Variants in COL12A1 observed in about 807,000 individuals in gnomAD.
COL12A1 encodes the protein collagen type XII alpha 1 chain, also known as collagen alpha-1(XII) chain.
COL12A1 carries 114 observed loss-of-function variants against 349.7 expected under a neutral mutation model. The observed-to-expected ratio is 0.33, with a 90% CI of 0.28 to 0.38. The LOEUF is 0.38. Among genes scored for constraint, COL12A1 ranks in the 10% least tolerant of loss-of-function variants. The probability of loss-of-function intolerance (pLI) is 1.00; values close to 1 mark genes in which losing one functional copy is unlikely to be tolerated. For synonymous variants in COL12A1, 1,369 were observed against 1,329.0 expected (o/e 1.03, Z -0.66); for missense variants, 3,284 against 3,756.9 (o/e 0.87, Z 3.29).
At chr6:75,162,789 T>C (rs1768091969) in intron 14 of COL12A1, among the ~76,000 whole-genome samples, 1 of 152,134 alleles carries the variant, frequency 6.6e-6, no homozygotes, top group African/African-American at 2.4e-5. Context: ...ATCCAGAATC[T>C]ACAAAGAACT....
chr6:75,171,915 C>T (rs1768655685), intron 13 of COL12A1, among the ~76,000 whole-genome samples: 1 of 152,200 alleles, frequency 6.6e-6, no homozygotes, highest in African/African-American at 2.4e-5. Flanking sequence ...GCTGGAGGCC[C>T]TTCGGTAATC....
At chr6:75,110,757 T>G (rs1234896105) in intron 51 of COL12A1, among the ~76,000 whole-genome samples, 1 of 152,036 alleles carries the variant, frequency 6.6e-6, no homozygotes, top group African/African-American at 2.4e-5. Flanking sequence ...CTCCCCAAAG[T>G]TCCCTCTCCC....
chr6:75,125,376 T>C (rs1765962917), intron 39 of COL12A1, 103 bp from the exon 40 acceptor site: 1 of 1,095,358 alleles, frequency 9.1e-7, no homozygotes, highest in Admixed American at 2.8e-5. Context: ...TGAACACGAT[T>C]AATTCCATAG....
rs776611041 is a variant in COL12A1 at position 75,175,326 on chromosome 6, A to G, written c.2438-16T>C. On this transcript the variant is annotated splice_polypyrimidine_tract_variant and intron_variant, in intron 12 of 65. Transcript: ENST00000322507. ...TTCCCTCTAACTTCATTAAAAAATG[A>G]CAACATCATCAAAACCCATTATTTA... 2 of 1,604,484 alleles carry G rather than the reference A, an allele frequency of 1.2e-6. No individual in the cohort carries two copies. The highest frequency in any genetic ancestry group is 1.1e-5 in the South Asian group (1 of 89,466).
At position 75,121,353 on chromosome 6, in the gene COL12A1, G is replaced by T. The variant is rs1033097935; in HGVS notation, c.7035C>A (p.Phe2345Leu). 11 of 1,611,920 alleles carry T rather than the reference G, an allele frequency of 6.8e-6. No individual in the cohort carries two copies. Among genetic ancestry groups the T allele is most frequent in the Non-Finnish European group, 9.3e-6 (11 of 1,178,632 alleles). ...GDDNFNKVVK[F>L]IFNTVGGFDE... ...CAAAGCCTCCCACAGTATTGAAGAT[G>T]AATTTTACAACTTTGTTAAAATTAT... Residue 2345 changes from phenylalanine to leucine, a missense_variant, in exon 44 of 66, where the codon TTC becomes TTA. By Grantham distance (22) the Phe-to-Leu change is conservative. This residue lies in a region of COL12A1 where 683 missense variants were observed against 932.1 expected (regional missense o/e 0.73). Coordinates refer to ENST00000322507, the MANE Select transcript of COL12A1 (RefSeq NM_004370.6).
rs996043699 is a variant in COL12A1 at position 75,146,013 on chromosome 6, T to C, written c.4560+89A>G. The C allele has an allele frequency of 3.2e-5, 42 of 1,311,004 alleles. No homozygotes were observed. In the Middle Eastern group the frequency reaches 1.7e-3, roughly 53 times the overall value. The allele number at this position is 1,311,004 out of a possible 1,614,324, so 81.2% of individuals were successfully genotyped here. ...TCCATTTTGTACGTAAAGTTATAAA[T>C]GAGTTTGTAAGTAACTGCAGTATAA... On this transcript the variant is annotated intron_variant, in intron 24 of 65. Transcript: ENST00000322507.
In COL12A1 at chr6:75,137,565, G is replaced by A. The variant is rs1766686755; in HGVS notation, c.5266C>T (p.Pro1756Ser). The A allele has an allele frequency of 6.2e-7, 1 of 1,613,482 alleles. No individual in the cohort carries two copies. Among genetic ancestry groups the A allele is most frequent in the East Asian group, 2.2e-5 (1 of 44,832 alleles). The part of the protein sequence containing the change: ...ILTTQAPKSG[P>S]RNLQVYNATS... ...GCATTGTACACTTGAAGGTTTCGTG[G>A]GCCACTTTTGGGAGCTGAAAGAAGA... Residue 1756 changes from proline to serine, a missense_variant, in exon 31 of 66, where the codon CCA becomes TCA. By Grantham distance (74) the Pro-to-Ser change is moderately conservative (BLOSUM62 -1). Coordinates refer to ENST00000322507, the MANE Select transcript of COL12A1 (RefSeq NM_004370.6).
In COL12A1 at chr6:75,191,748, C is replaced by G; in HGVS notation, c.347G>C (p.Ser116Thr). The G allele has an allele frequency of 6.3e-7, 1 of 1,595,050 alleles. No individual in the cohort carries two copies. The highest frequency in any genetic ancestry group is 8.5e-7 in the Non-Finnish European group (1 of 1,170,454). The change falls in exon 5 of 66, where the codon AGT becomes ACT. Residue 116 changes from serine to threonine, a missense_variant. By Grantham distance (58) the Ser-to-Thr change is moderately conservative (BLOSUM62 1). Around this residue, in one of 2 missense-constraint regions of COL12A1, gnomAD observed 2,601 missense variants for 2,824.8 expected, o/e 0.92. Transcript: ENST00000322507. The part of the protein sequence containing the change: ...VIGQLTIQTG[S>T]STKPVEKKPG... ...TTTCTTCTCCACTGGCTTTGTCGAA[C>G]TACCTGTTTGAACTAAGTTAAAACT...
intron 41 of COL12A1, 60 bp downstream of exon 41, chr6:75,124,195 G>A: frequency 6.3e-7 from 1 of 1,593,324 alleles, no homozygotes; most frequent in Non-Finnish European, 8.6e-7. Flanking sequence ...CTTCTTTACT[G>A]AAATTTAAAA....
intron 13 of COL12A1, among the ~76,000 whole-genome samples, chr6:75,166,656 AATACAAATCTATCTGCTTCCCAGC>A (rs1768327077): frequency 6.6e-6 from 1 of 152,166 alleles, no homozygotes; most frequent in South Asian, 2.1e-4. Context: ...GTATGACATA[AATACAAATCTATCTGCTTCCCAGC>A]ATACATTTTA....
intron 8 of COL12A1, among the ~76,000 whole-genome samples, chr6:75,187,227 C>A (rs1434731478): frequency 6.7e-6 from 1 of 149,554 alleles, no homozygotes; most frequent in Non-Finnish European, 1.5e-5. Flanking sequence ...CACAGAGATG[C>A]CACATGGAAA....
Position 75,138,563 on chromosome 6 carries a change from A to G in COL12A1, c.5115T>C (p.Asp1705=). ...GGTTTTCGAACACCAAAGTGTTTTC[A>G]TCTCCATTTAAGATGGTCTTGGAGA... is the stretch of plus-strand genomic sequence containing the variant. The part of the protein sequence containing the change: ...SDKMETILNG[D]ENTLVFENLN... The change falls in exon 29 of 66, where the codon GAT becomes GAC. Residue 1705 remains aspartate, a synonymous_variant. Transcript: ENST00000322507. The G allele has an allele frequency of 6.2e-7, 1 of 1,613,768 alleles. No individual in the cohort carries two copies. The highest frequency in any genetic ancestry group is 8.5e-7 in the Non-Finnish European group (1 of 1,179,876).
In COL12A1 at chr6:75,165,729, T is replaced by A; in HGVS notation, c.2761A>T (p.Ile921Phe). ...GGAGCAGATGTCCAATAAGCCCCAATTGATGTGTCAGTGATGTCTTTAGTA... is the reference window on the plus strand; with the variant it reads ...GGAGCAGATGTCCAATAAGCCCCAAATGATGTGTCAGTGATGTCTTTAGTA... Reference protein sequence around the residue: ...LVTKDITDTSIGAYWTSAPGM... With the variant: ...LVTKDITDTSFGAYWTSAPGM... Residue 921 changes from isoleucine (I) to phenylalanine (F), a missense_variant, in exon 14 of 66, where the codon ATT becomes TTT. By Grantham distance (21) the Ile-to-Phe change is conservative. This residue lies in a region of COL12A1 where 2,601 missense variants were observed against 2,824.8 expected (regional missense o/e 0.92). Transcript: ENST00000322507. 1 of 1,613,948 alleles carries A rather than the reference T, an allele frequency of 6.2e-7. No homozygotes were observed. The highest frequency in any genetic ancestry group is 1.3e-5 in the African/African-American group (1 of 75,024).
intron 2 of COL12A1, among the ~76,000 whole-genome samples, chr6:75,199,136 C>T (rs572771952): frequency 5.3e-5 from 8 of 152,222 alleles, no homozygotes; most frequent in Admixed American, 2.0e-4. Flanking sequence ...TTAAACTTTC[C>T]GGATCAACCA....
At chr6:75,103,667 C>T (rs1768412097) in intron 55 of COL12A1, 90 bp downstream of exon 55, 1 of 1,078,696 alleles carries the variant, frequency 9.3e-7, no homozygotes. Context: ...AGCTGACTTG[C>T]TCAAGATCAC....
intron 1 of COL12A1, among the ~76,000 whole-genome samples, chr6:75,204,508 T>C (rs2149494464): frequency 6.6e-6 from 1 of 152,292 alleles, no homozygotes; most frequent in Non-Finnish European, 1.5e-5. Context: ...ATATATGTTT[T>C]AAAAAAGAAA....
intron 8 of COL12A1, among the ~76,000 whole-genome samples, chr6:75,185,898 A>G (rs1320747206): frequency 1.3e-5 from 2 of 152,190 alleles, no homozygotes; most frequent in African/African-American, 4.8e-5. Context: ...TGGTGCTCAG[A>G]TAACTGGCTA....
At chr6:75,127,480 A>T (rs1323491215) in intron 38 of COL12A1, among the ~76,000 whole-genome samples, 1 of 152,210 alleles carries the variant, frequency 6.6e-6, no homozygotes, top group African/African-American at 2.4e-5. Flanking sequence ...ACCTGAAGTC[A>T]TGTTACTTAA....
intron 31 of COL12A1, 139 bp downstream of exon 31, chr6:75,137,298 G>A: frequency 1.3e-6 from 1 of 761,676 alleles, no homozygotes; most frequent in Non-Finnish European, 2.0e-6. Flanking sequence ...CAGCTAAAGA[G>A]TCAGATTATT....
Sources: gnomAD v4.1 joint callset for allele counts (sites outside exome capture counted in the v4.1 genomes callset) on GRCh38, gnomAD v4.1.1 for gene constraint, gnomAD v4.1.1 regional missense constraint, MANE v1.5 for transcripts, NCBI Gene and HGNC (gene_info 2026-07-23, HGNC 2026-07-21) for gene names.